CDK15: variants seen among roughly 807,000 people sequenced by gnomAD.
The protein encoded by CDK15 is cyclin dependent kinase 15.
A neutral mutation model predicts 60.3 loss-of-function variants in CDK15; 62 were observed. The ratio of observed to expected loss-of-function variants is 1.03; its 90% CI spans 0.84 to 1.27. The LOEUF is 1.27. Ranked by LOEUF, CDK15 falls within the 50% of genes most tolerant of loss-of-function variation. The probability of loss-of-function intolerance (pLI) is 0.00; values close to 1 mark genes in which losing one functional copy is unlikely to be tolerated. For synonymous variants in CDK15, 194 were observed against 195.7 expected (o/e 0.99, Z 0.07); for missense variants, 541 against 527.8 (o/e 1.03, Z -0.25).
At chr2:201,815,448 T>C (rs1272582750) in intron 4 of CDK15, among the ~76,000 whole-genome samples, 1 of 152,292 alleles carries the variant, frequency 6.6e-6, no homozygotes, top group East Asian at 1.9e-4. Flanking sequence ...ATACACAAAA[T>C]AGATGTGTTC....
At chr2:201,859,369 A>C (rs968985310) in intron 10 of CDK15, among the ~76,000 whole-genome samples, 4 of 152,204 alleles carry the variant, frequency 2.6e-5, no homozygotes, top group Admixed American at 6.5e-5. Flanking sequence ...AAGTTCCTTT[A>C]GCCTTCTTAG....
At chr2:201,892,076 ATTGTC>A (rs1699657394) in intron 13 of CDK15, among the ~76,000 whole-genome samples, 1 of 152,222 alleles carries the variant, frequency 6.6e-6, no homozygotes, top group Non-Finnish European at 1.5e-5. Context: ...TTCTAAGATC[ATTGTC>A]TTGTCTTCAA....
chr2:201,894,604 G>A lies in CDK15; in HGVS notation c.*1337G>A, dbSNP rs1028009404. On this transcript the variant is annotated 3_prime_UTR_variant, in exon 14 of 14. Coordinates refer to ENST00000652192, the MANE Select transcript of CDK15 (RefSeq NM_001366386.2). ...ATTACTCGAATAAATCAGAGTACAT[G>A]GACAACTTTATACAACTCCTTGAAG... 6.6e-6 allele frequency: 1 copy of A among 152,106 alleles called. No individual in the cohort carries two copies. Among genetic ancestry groups the A allele is most frequent in the African/African-American group, 2.4e-5 (1 of 41,402 alleles). 9.4% of individuals were successfully genotyped at this position (152,106 alleles called of 1,614,324 possible). A position where few individuals can be genotyped will look rare whatever the true frequency, so the allele number is the denominator to read the frequency against.
chr2:201,858,391 C>G (rs947119866), intron 10 of CDK15, among the ~76,000 whole-genome samples: 2 of 136,720 alleles, frequency 1.5e-5, no homozygotes, highest in Non-Finnish European at 3.1e-5. Flanking sequence ...CCTTCCTTCT[C>G]TCTCTCTCTT....
chr2:201,891,816 C>T (rs1163613105), intron 13 of CDK15, among the ~76,000 whole-genome samples: 9 of 152,250 alleles, frequency 5.9e-5, no homozygotes, highest in South Asian at 2.1e-4. Context: ...CCAGCCTGCC[C>T]GCCCTTTAGG....
chr2:201,893,511 T>C lies in CDK15; in HGVS notation c.*244T>C, dbSNP rs1699698959. Reference sequence around the variant, plus strand: ...TTGCATAGAATTTAAGTGATTGATTTAAAAAAACTGGACATAAACTAAGTC... The same window carrying C: ...TTGCATAGAATTTAAGTGATTGATTCAAAAAAACTGGACATAAACTAAGTC... On this transcript the variant is annotated 3_prime_UTR_variant, in exon 14 of 14. Transcript: ENST00000652192. 6.6e-6 allele frequency: 1 copy of C among 152,198 alleles called. No homozygotes were observed. Among genetic ancestry groups the C allele is most frequent in the African/African-American group, 2.4e-5 (1 of 41,460 alleles). 9.4% of individuals were successfully genotyped at this position (152,198 alleles called of 1,614,324 possible).
Position 201,822,833 on chromosome 2 carries a change from A to G in CDK15, c.473A>G (p.His158Arg). 1 of 1,611,998 alleles carries G rather than the reference A, an allele frequency of 6.2e-7. No homozygotes were observed. The highest frequency in any genetic ancestry group is 8.5e-7 in the Non-Finnish European group (1 of 1,178,172). ...GCTTCTCTCCTGAAGGGTTTGAAAC[A>G]TGCCAATATTGTGCTCCTGCATGAC... ...REASLLKGLK[H>R]ANIVLLHDII... Residue 158 changes from histidine (H) to arginine (R), a missense_variant, in exon 5 of 14, where the codon CAT (histidine) becomes CGT (arginine). Coordinates refer to ENST00000652192, the MANE Select transcript of CDK15 (RefSeq NM_001366386.2).
Position 201,812,368 on chromosome 2 carries a change from T to C in CDK15, c.369-115T>C. On this transcript the variant is annotated intron_variant, in intron 3 of 13. Transcript: ENST00000652192. ...CTTTTTATTTTGAGAAAATTATAGA[T>C]TTATATGCTAGAATATATTTTGAAG... 2 of 611,348 alleles carry C rather than the reference T, an allele frequency of 3.3e-6. 1 individual carries two copies. Among genetic ancestry groups the C allele is most frequent in the South Asian group, 4.1e-5 (2 of 48,802 alleles). The allele number at this position is 611,348 out of a possible 1,614,324, so 37.9% of individuals were successfully genotyped here. A position where few individuals can be genotyped will look rare whatever the true frequency, so the allele number is the denominator to read the frequency against.
chr2:201,859,886 T>C (rs1698312724), intron 10 of CDK15, among the ~76,000 whole-genome samples: 1 of 152,206 alleles, frequency 6.6e-6, no homozygotes, highest in African/African-American at 2.4e-5. Flanking sequence ...CATGTAGAGC[T>C]TTTAAGAGAA....
Position 201,894,073 on chromosome 2 carries a change from C to CCACCA in CDK15, c.*809_*810insCACAC, listed in dbSNP as rs1281326067. 20 of 144,416 alleles carry CCACCA rather than the reference C, an allele frequency of 1.4e-4. No homozygotes were observed. Among genetic ancestry groups the CCACCA allele is most frequent in the African/African-American group, 5.2e-4 (20 of 38,148 alleles). The allele number at this position is 144,416 out of a possible 1,614,324, so 8.9% of individuals were successfully genotyped here. A position where few individuals can be genotyped will look rare whatever the true frequency, so the allele number is the denominator to read the frequency against. On this transcript the variant is annotated 3_prime_UTR_variant, in exon 14 of 14. Transcript: ENST00000652192. ...ATGTAATTTAAGCCCTGTTGCACCA[C>CCACCA]CACACACACACACACACACACACAC...
At chr2:201,835,810 T>G (rs1182190021) in intron 8 of CDK15, 47 bp downstream of exon 8, 2 of 1,392,664 alleles carry the variant, frequency 1.4e-6, no homozygotes, top group South Asian at 3.9e-5. Flanking sequence ...TCACGAGGGT[T>G]GCTTTATCAT....
intron 13 of CDK15, among the ~76,000 whole-genome samples, chr2:201,892,084 G>GTCT (rs1699657919): frequency 6.6e-6 from 1 of 152,270 alleles, no homozygotes; most frequent in East Asian, 1.9e-4. Flanking sequence ...TCATTGTCTT[G>GTCT]TCTTCAAAGA....
intron 1 of CDK15, 43 bp from the exon 2 acceptor site, chr2:201,807,451 T>C: frequency 6.3e-7 from 1 of 1,592,252 alleles, no homozygotes; most frequent in Non-Finnish European, 8.5e-7. Flanking sequence ...ACTGAATCTT[T>C]ACTTTGCATA....
At chr2:201,872,412 G>A in intron 11 of CDK15, 86 bp downstream of exon 11, 1 of 1,429,910 alleles carries the variant, frequency 7.0e-7, no homozygotes. Flanking sequence ...CCACTGAACA[G>A]CAGCCCCCGA....
At chr2:201,839,848 G>T (rs567698851) in intron 8 of CDK15, among the ~76,000 whole-genome samples, 41 of 152,116 alleles carry the variant, frequency 2.7e-4, no homozygotes, top group Non-Finnish European at 4.9e-4. Context: ...AATCCTTGCT[G>T]TTTCATCAAA....
intron 8 of CDK15, among the ~76,000 whole-genome samples, chr2:201,844,319 G>A (rs191241473): frequency 6.6e-6 from 1 of 152,318 alleles, no homozygotes; most frequent in African/African-American, 2.4e-5. Flanking sequence ...GGGGCAGGGT[G>A]GAGACCATTT....
chr2:201,890,818 T>C lies in CDK15; in HGVS notation c.1232T>C (p.Leu411Pro). The C allele has an allele frequency of 6.2e-7, 1 of 1,613,636 alleles. No homozygotes were observed. Among genetic ancestry groups the C allele is most frequent in the Non-Finnish European group, 8.5e-7 (1 of 1,179,740 alleles). The change falls in exon 13 of 14, where the codon CTA becomes CCA. Residue 411 changes from leucine to proline, a missense_variant. Leu to Pro is a moderately conservative substitution (Grantham distance 98, BLOSUM62 -3). Coordinates refer to ENST00000652192, the MANE Select transcript of CDK15 (RefSeq NM_001366386.2). ...TTGTTTACAGTTTCAGGAGTGAGGC[T>C]AAAGCCAGAAATGTGTGACCTTTTG... ...ESLFTVSGVR[L>P]KPEMCDLLAS...
intron 9 of CDK15, among the ~76,000 whole-genome samples, chr2:201,850,283 A>G (rs755114968): frequency 6.6e-6 from 1 of 152,146 alleles, no homozygotes. Flanking sequence ...ATAAATTTCA[A>G]ATAACATTTT....
intron 12 of CDK15, chr2:201,888,360 A>G (rs1699533903): frequency 2.7e-6 from 4 of 1,479,588 alleles, no homozygotes; most frequent in Non-Finnish European, 3.6e-6. Flanking sequence ...ATAAGAATCT[A>G]AAAGTTTTAA....
Sources: gnomAD v4.1 joint callset for allele counts (sites outside exome capture counted in the v4.1 genomes callset) on GRCh38, gnomAD v4.1.1 for gene constraint, MANE v1.5 for transcripts, NCBI Gene and HGNC (gene_info 2026-07-23, HGNC 2026-07-21) for gene names.